BFAR: variants seen among roughly 807,000 people sequenced by gnomAD.
BFAR encodes bifunctional apoptosis regulator, also known as RING finger protein 47.
BFAR carries 52 observed loss-of-function variants against 54.4 expected under a neutral mutation model. That is an observed-to-expected ratio of 0.96 (90% CI 0.77 to 1.21). The LOEUF is 1.21. Among genes scored for constraint, BFAR ranks in the 50% most tolerant of loss-of-function variants. The pLI is 0.00. For synonymous variants in BFAR, 215 were observed against 204.3 expected, an observed-to-expected ratio of 1.05 and a Z score of -0.45; for missense variants, 571 against 534.0, an observed-to-expected ratio of 1.07 and a Z score of -0.68.
At chr16:14,640,987 C>T (rs185631203) in intron 1 of BFAR, among the ~76,000 whole-genome samples, 18 of 152,304 alleles carry the variant, frequency 1.2e-4, no homozygotes, top group Admixed American at 2.0e-4. Flanking sequence ...TATGGGAACT[C>T]CTGAGGTTTT....
intron 6 of BFAR, among the ~76,000 whole-genome samples, chr16:14,662,770 A>T (rs1193297107): frequency 6.6e-6 from 1 of 152,150 alleles, no homozygotes; most frequent in Non-Finnish European, 1.5e-5. Flanking sequence ...CTCCTGTAGC[A>T]GGAAGAGCTG....
chr16:14,642,046 G>A (rs1446385751), intron 1 of BFAR, among the ~76,000 whole-genome samples: 2 of 152,134 alleles, frequency 1.3e-5, no homozygotes, highest in Non-Finnish European at 2.9e-5. Flanking sequence ...GCTGGTAAAT[G>A]GCAGAGGTGG....
At chr16:14,665,313 T>G (rs1596997000) in intron 7 of BFAR, 1 of 457,478 alleles carries the variant, frequency 2.2e-6, no homozygotes, top group Non-Finnish European at 3.9e-6. Flanking sequence ...TGCAATAATA[T>G]ACCATTTAAT....
At chr16:14,647,874 A>G (rs1433590353) in intron 2 of BFAR, among the ~76,000 whole-genome samples, 1 of 152,182 alleles carries the variant, frequency 6.6e-6, no homozygotes, top group African/African-American at 2.4e-5. Context: ...ACCATATTTC[A>G]TTTAGCCTTT....
Position 14,662,031 on chromosome 16 carries a change from A to G in BFAR, c.923A>G (p.Asp308Gly). The change falls in exon 6 of 8, where the codon GAC becomes GGC. Residue 308 changes from aspartate to glycine, a missense_variant. Transcript: ENST00000261658. Reference protein sequence around the residue: ...FIHTICPLQEDSSGEDIVTKL... With the variant: ...FIHTICPLQEGSSGEDIVTKL... The stretch of plus-strand genomic sequence containing the variant: ...CACACCATCTGCCCTCTGCAAGAAG[A>G]CAGCTCTGGGGAGGACATCGTCACC... The G allele has an allele frequency of 1.2e-6, 2 of 1,614,162 alleles. No individual in the cohort carries two copies. The highest frequency in any genetic ancestry group is 1.7e-6 in the Non-Finnish European group (2 of 1,180,034).
At chr16:14,634,052 C>A (rs1315731730) in intron 1 of BFAR, among the ~76,000 whole-genome samples, 2 of 152,216 alleles carry the variant, frequency 1.3e-5, no homozygotes, top group African/African-American at 4.8e-5. Context: ...AGGCAGCATC[C>A]CAGCTTCCGC....
At position 14,668,553 on chromosome 16, in the gene BFAR, G is replaced by T. The variant is rs1186713547; in HGVS notation, c.*726G>T. On this transcript the variant is annotated 3_prime_UTR_variant, in exon 8 of 8. Coordinates refer to ENST00000261658, the MANE Select transcript of BFAR (RefSeq NM_016561.3). ...TCCCATTAGATTTAGTGGCCTTCAT[G>T]TTATTCAGAATTGTTTTGGTGATAC... 1 of 152,556 alleles carries T rather than the reference G, an allele frequency of 6.6e-6. No homozygotes were observed. Among genetic ancestry groups the T allele is most frequent in the East Asian group, 1.9e-4 (1 of 5,196 alleles). 9.5% of individuals were successfully genotyped at this position (152,556 alleles called of 1,614,324 possible). A position where few individuals can be genotyped will look rare whatever the true frequency, so the allele number is the denominator to read the frequency against.
intron 5 of BFAR, 105 bp downstream of exon 5, chr16:14,655,315 C>G (rs1188105678): frequency 1.1e-6 from 1 of 916,818 alleles, no homozygotes; most frequent in East Asian, 3.4e-5. Flanking sequence ...AGTTTATGTA[C>G]TTATTTATTT....
rs1205116939 is a variant in BFAR at position 14,655,046 on chromosome 16, C to A, written c.639-20C>A. 2 of 1,580,684 alleles carry A rather than the reference C, an allele frequency of 1.3e-6. No homozygotes were observed. The highest frequency in any genetic ancestry group is 1.7e-6 in the Non-Finnish European group (2 of 1,167,482). On this transcript the variant is annotated intron_variant, in intron 4 of 7. Coordinates refer to ENST00000261658, the MANE Select transcript of BFAR (RefSeq NM_016561.3). ...TCCAGTATATAATCGCAAAATAAAT[C>A]TCCTCCTGCCCCTCTACAGGTTGCT...
At chr16:14,660,500 G>T (rs1324495869) in intron 5 of BFAR, among the ~76,000 whole-genome samples, 1 of 150,034 alleles carries the variant, frequency 6.7e-6, no homozygotes, top group Non-Finnish European at 1.5e-5. Flanking sequence ...GGTCAGGCTG[G>T]TCTCGAACTC....
Position 14,665,056 on chromosome 16 carries a change from C to G in BFAR, c.1145C>G (p.Ser382Trp), listed in dbSNP as rs1246290045. 6.2e-7 allele frequency: 1 copy of G among 1,612,598 alleles called. No individual in the cohort carries two copies. Among genetic ancestry groups the G allele is most frequent in the South Asian group, 1.1e-5 (1 of 91,024 alleles). Reference sequence around the variant, plus strand: ...TTATTCTCCTTTTGGAGAATCTGGTCGAGAAGTGAACTGAAGTAAGTATGT... The same window carrying G: ...TTATTCTCCTTTTGGAGAATCTGGTGGAGAAGTGAACTGAAGTAAGTATGT... Reference protein sequence around the residue: ...LELFSFWRIWSRSELKTVPQR... With the variant: ...LELFSFWRIWWRSELKTVPQR... The change falls in exon 7 of 8, where the codon TCG (serine) becomes TGG (tryptophan). Residue 382 changes from serine (S) to tryptophan (W), a missense_variant. Coordinates refer to ENST00000261658, the MANE Select transcript of BFAR (RefSeq NM_016561.3).
intron 5 of BFAR, among the ~76,000 whole-genome samples, chr16:14,655,906 G>C (rs1008662144): frequency 6.6e-6 from 1 of 152,084 alleles, no homozygotes; most frequent in Admixed American, 6.6e-5. Flanking sequence ...AGCACAGCAC[G>C]GTGGTCAAGA....
intron 5 of BFAR, among the ~76,000 whole-genome samples, chr16:14,659,227 TTTTTTTGTTTTTTTTTG>T (rs997947050): frequency 2.0e-5 from 3 of 148,550 alleles, no homozygotes; most frequent in South Asian, 2.1e-4. Context: ...GCAATTTGGT[TTTTTTTGTTTTTTTTTG>T]TTTTTTGTTT....
intron 1 of BFAR, among the ~76,000 whole-genome samples, chr16:14,638,877 G>A (rs918435391): frequency 1.2e-4 from 18 of 151,946 alleles, no homozygotes; most frequent in African/African-American, 3.6e-4. Flanking sequence ...TCCAGGAGGC[G>A]GAGGTTGCAG....
chr16:14,650,058 C>T, intron 4 of BFAR, 85 bp downstream of exon 4: 1 of 1,392,064 alleles, frequency 7.2e-7, no homozygotes, highest in Non-Finnish European at 9.6e-7. Context: ...CGCGGTGGCT[C>T]ACACCTGGAT....
At chr16:14,636,622 C>G in intron 1 of BFAR, among the ~76,000 whole-genome samples, 1 of 152,184 alleles carries the variant, frequency 6.6e-6, no homozygotes. Flanking sequence ...AGATGCCTTC[C>G]TCTTGGCTCA....
rs772233499 is a variant in BFAR, at chr16:14,644,582, G to T, written c.236G>T (p.Gly79Val). The T allele has an allele frequency of 8.7e-6, 14 of 1,613,574 alleles. No individual in the cohort carries two copies. In the East Asian group the frequency reaches 1.3e-4, roughly 15 times the overall value. The change falls in exon 2 of 8, where the codon GGT (glycine) becomes GTT (valine). Residue 79 changes from glycine (G) to valine (V), a missense_variant. Physicochemically the swap from Gly to Val is moderately radical, Grantham distance 109 (BLOSUM62 -3). Transcript: ENST00000261658. Reference sequence around the variant, plus strand: ...CCAGAATGCAGAGAAAAATGGGAAGGTTTCCCCAAAGTCAGTATTCTCCTC... The same window carrying T: ...CCAGAATGCAGAGAAAAATGGGAAGTTTTCCCCAAAGTCAGTATTCTCCTC... ...ECPECREKWE[G>V]FPKVSILLRD...
At chr16:14,649,070 C>CT (rs544187036) in intron 3 of BFAR, among the ~76,000 whole-genome samples, 2,297 of 104,308 alleles carry the variant, frequency 0.022, 48 homozygotes, top group African/African-American at 0.027. Flanking sequence ...ATCTCTTGCT[C>CT]TTTTTTTTTT....
chr16:14,662,937 C>T (rs941601552), intron 6 of BFAR, among the ~76,000 whole-genome samples: 4 of 152,126 alleles, frequency 2.6e-5, no homozygotes, highest in African/African-American at 7.2e-5. Context: ...ATGAGAGGGT[C>T]GTGATCAATG....
Sources: gnomAD v4.1 joint callset for allele counts (sites outside exome capture counted in the v4.1 genomes callset) on GRCh38, gnomAD v4.1.1 for gene constraint, MANE v1.5 for transcripts, NCBI Gene and HGNC (gene_info 2026-07-23, HGNC 2026-07-21) for gene names.